KLHL21: variants seen among roughly 807,000 people sequenced by gnomAD.
KLHL21 encodes the protein kelch-like protein 21.
A neutral mutation model predicts 44.1 loss-of-function variants in KLHL21; 42 were observed. The observed-to-expected ratio is 0.95, with a 90% CI of 0.74 to 1.23. The LOEUF is 1.23. Ranked by LOEUF, KLHL21 falls within the 50% of genes most tolerant of loss-of-function variation. The probability of loss-of-function intolerance (pLI) is 0.00; values close to 1 mark genes in which losing one functional copy is unlikely to be tolerated. For missense variants in KLHL21, 918 were observed against 889.1 expected, an observed-to-expected ratio of 1.03 and a Z score of -0.41; for synonymous variants, 524 against 411.6, an observed-to-expected ratio of 1.27 and a Z score of -3.31.
chr1:6,599,478 G>A, intron 1 of KLHL21, 26 bp from the exon 2 acceptor site: 2 of 1,579,184 alleles, frequency 1.3e-6, no homozygotes, highest in South Asian at 2.3e-5. Context: ...ACAGGCAGAA[G>A]ATCAGCCCAC....
chr1:6,594,426 G>A (rs1206398580), intron 3 of KLHL21: 1 of 152,410 alleles, frequency 6.6e-6, no homozygotes, highest in East Asian at 1.9e-4. Flanking sequence ...CAGTGGGCTG[G>A]GCATGGTGGC....
At chr1:6,597,598 C>G (rs1276025902) in intron 2 of KLHL21, among the ~76,000 whole-genome samples, 2 of 152,190 alleles carry the variant, frequency 1.3e-5, no homozygotes, top group Non-Finnish European at 2.9e-5. Context: ...ACAAGCAACG[C>G]CACCCCTGTT....
At position 6,592,123 on chromosome 1, in the gene KLHL21, A is replaced by C. The variant is rs1327150728; in HGVS notation, c.*1242T>G. The C allele has an allele frequency of 1.3e-5, 2 of 152,358 alleles. No individual in the cohort carries two copies. Among genetic ancestry groups the C allele is most frequent in the African/African-American group, 4.8e-5 (2 of 41,466 alleles). The allele number at this position is 152,358 out of a possible 1,614,324, so 9.4% of individuals were successfully genotyped here. On this transcript the variant is annotated 3_prime_UTR_variant, in exon 4 of 4. Transcript: ENST00000377658. ...ACATATTAAGGCAACCAGCCACGCCATCTGGCCAGCACAAGGGACTTAAGT... is the reference window on the plus strand; with the variant it reads ...ACATATTAAGGCAACCAGCCACGCCCTCTGGCCAGCACAAGGGACTTAAGT...
chr1:6,599,525 CG>C, intron 1 of KLHL21, 73 bp from the exon 2 acceptor site: 1 of 1,452,082 alleles, frequency 6.9e-7, no homozygotes, highest in Non-Finnish European at 9.2e-7. Context: ...CCCGAACTTC[CG>C]CAAGGGCCTC....
At position 6,602,695 on chromosome 1, in the gene KLHL21, C is replaced by G. The variant is rs575418153; in HGVS notation, c.123G>C (p.Ala41=). The G allele has an allele frequency of 3.0e-5, 46 of 1,513,408 alleles. No homozygotes were observed. The highest frequency in any genetic ancestry group is 7.3e-5 in the South Asian group (6 of 81,798). 93.7% of individuals were successfully genotyped at this position (1,513,408 alleles called of 1,614,324 possible). A position where few individuals can be genotyped will look rare whatever the true frequency, so the allele number is the denominator to read the frequency against. Residue 41 remains alanine, a synonymous_variant, in exon 1 of 4, where the codon GCG becomes GCC. Transcript: ENST00000377658. Reference sequence around the variant, plus strand: ...GCGCCGGGAAGTCGCGCCCGCCCGCCGCCTCCAGGGTCACGTCCAGGAACT... The same window carrying G: ...GCGCCGGGAAGTCGCGCCCGCCCGCGGCCTCCAGGGTCACGTCCAGGAACT... ...ERKFLDVTLE[A]AGGRDFPAHR... is the part of the protein sequence containing the mutation.
Position 6,595,565 on chromosome 1 carries a change from G to A in KLHL21, c.1428-8C>T, listed in dbSNP as rs1265092028. The A allele has an allele frequency of 1.9e-6, 3 of 1,612,242 alleles. No homozygotes were observed. The Admixed American group carries it at 5.0e-5, about 27-fold the overall frequency. On this transcript the variant is annotated splice_region_variant and splice_polypyrimidine_tract_variant and intron_variant, in intron 2 of 3. Coordinates refer to ENST00000377658, the MANE Select transcript of KLHL21 (RefSeq NM_014851.4). ...ACCTCAGCGGAGTCATCCCTGTGGA[G>A]GGGGCAGCAGGAGGACAACTGCTCA...
Position 6,602,523 on chromosome 1 carries a change from C to T in KLHL21, c.295G>A (p.Val99Met), listed in dbSNP as rs933284888. 3 of 1,541,776 alleles carry T rather than the reference C, an allele frequency of 1.9e-6. No homozygotes were observed. In the African/African-American group the frequency reaches 4.1e-5, roughly 21 times the overall value. Reference sequence around the variant, plus strand: ...TCAGCGTTGTCGCCGCTTACCGCCACGCGGCCCGTGTAGCTGAAGTCCAGC... The same window carrying T: ...TCAGCGTTGTCGCCGCTTACCGCCATGCGGCCCGTGTAGCTGAAGTCCAGC... ...LLLDFSYTGR[V>M]AVSGDNAEPL... The change falls in exon 1 of 4, where the codon GTG (valine) becomes ATG (methionine). Residue 99 changes from valine (V) to methionine (M), a missense_variant. Val to Met is a conservative substitution (Grantham distance 21, BLOSUM62 1). Transcript: ENST00000377658.
At chr1:6,597,340 C>G (rs1326262554) in intron 2 of KLHL21, among the ~76,000 whole-genome samples, 1 of 152,160 alleles carries the variant, frequency 6.6e-6, no homozygotes, top group South Asian at 2.1e-4. Context: ...GGGAGGAGGA[C>G]TCTCAAAGAC....
intron 1 of KLHL21, chr1:6,599,759 G>T: frequency 5.3e-6 from 2 of 379,308 alleles, no homozygotes. Flanking sequence ...CACCTCAGCA[G>T]ACCAGAGCCC....
In KLHL21 at chr1:6,599,388, C is replaced by T; in HGVS notation, c.1086G>A (p.Trp362Ter). The change falls in exon 2 of 4, where the codon TGG (tryptophan) becomes TGA (stop). Residue 362 changes from tryptophan to a stop codon, truncating the protein, a stop_gained. Transcript: ENST00000377658. LOFTEE classifies it high-confidence loss of function. Reference protein sequence around the residue: ...VWRYNSSVNEWAEVAPMLKAR... With the variant: ...VWRYNSSVNE The stretch of plus-strand genomic sequence containing the variant: ...CCTTCAGCATGGGCGCCACCTCCGC[C>T]CACTCATTCACGCTTGAGTTGTACC... 6.2e-7 allele frequency: 1 copy of T among 1,613,652 alleles called. No individual in the cohort carries two copies. Among genetic ancestry groups the T allele is most frequent in the Non-Finnish European group, 8.5e-7 (1 of 1,180,000 alleles).
chr1:6,598,888 C>T (rs1024914808), intron 2 of KLHL21, among the ~76,000 whole-genome samples, 159 bp downstream of exon 2: 1 of 152,122 alleles, frequency 6.6e-6, no homozygotes, highest in Non-Finnish European at 1.5e-5. Flanking sequence ...GTCTCAAAAA[C>T]AAAACAAAAC....
intron 1 of KLHL21, among the ~76,000 whole-genome samples, chr1:6,600,000 C>A (rs930138227): frequency 6.6e-6 from 1 of 152,152 alleles, no homozygotes; most frequent in Non-Finnish European, 1.5e-5. Flanking sequence ...GAAAAATCCA[C>A]GAAGCTGTGT....
chr1:6,596,538 C>A (rs990905566), intron 2 of KLHL21, among the ~76,000 whole-genome samples: 1 of 152,242 alleles, frequency 6.6e-6, no homozygotes, highest in African/African-American at 2.4e-5. Context: ...AGACACGAGC[C>A]TGGCTGTGTG....
rs1181729585 is a variant in KLHL21 at position 6,591,228 on chromosome 1, A to G, written c.*2137T>C. ...CCCATACTTGGTCTTCTAAACCCAA[A>G]GACAGGGTCCTGATGGTGGAGACCT... On this transcript the variant is annotated 3_prime_UTR_variant, in exon 4 of 4. Coordinates refer to ENST00000377658, the MANE Select transcript of KLHL21 (RefSeq NM_014851.4). 2 of 380,412 alleles carry G rather than the reference A, an allele frequency of 5.3e-6. No individual in the cohort carries two copies. The highest frequency in any genetic ancestry group is 4.1e-5 in the African/African-American group (2 of 48,316). 23.6% of individuals were successfully genotyped at this position (380,412 alleles called of 1,614,324 possible).
rs1239096919 is a variant in KLHL21 at position 6,590,909 on chromosome 1, A to C, written c.*2456T>G. On this transcript the variant is annotated 3_prime_UTR_variant, in exon 4 of 4. Transcript: ENST00000377658. ...TTATTACATACGCGTCTCTGAAGTC[A>C]TATAAATATAGAATACCTTATAGTA... The C allele has an allele frequency of 2.5e-6, 1 of 398,678 alleles. No individual in the cohort carries two copies. The highest frequency in any genetic ancestry group is 4.4e-6 in the Non-Finnish European group (1 of 226,068). 24.7% of individuals were successfully genotyped at this position (398,678 alleles called of 1,614,324 possible).
In KLHL21 at chr1:6,590,778, G is replaced by C. The variant is rs1219925736; in HGVS notation, c.*2587C>G. On this transcript the variant is annotated 3_prime_UTR_variant, in exon 4 of 4. Coordinates refer to ENST00000377658, the MANE Select transcript of KLHL21 (RefSeq NM_014851.4). ...TACTGAAGGTACCCTAAAACCTTAA[G>C]CAGGATTCTGGACATGGAAGCCTAC... 1 of 395,872 alleles carries C rather than the reference G, an allele frequency of 2.5e-6. No individual in the cohort carries two copies. The highest frequency in any genetic ancestry group is 2.1e-5 in the African/African-American group (1 of 48,602). The allele number at this position is 395,872 out of a possible 1,614,324, so 24.5% of individuals were successfully genotyped here.
Position 6,591,343 on chromosome 1 carries a change from G to A in KLHL21, c.*2022C>T. The A allele has an allele frequency of 4.0e-6, 1 of 248,502 alleles. No homozygotes were observed. Among genetic ancestry groups the A allele is most frequent in the Non-Finnish European group, 7.6e-6 (1 of 131,360 alleles). 15.4% of individuals were successfully genotyped at this position (248,502 alleles called of 1,614,324 possible). Reference sequence around the variant, plus strand: ...TCGCACCACAGCCCTCATCTGAGTGGCCGACACAAGCCTGGAGTACGGCAG... The same window carrying A: ...TCGCACCACAGCCCTCATCTGAGTGACCGACACAAGCCTGGAGTACGGCAG... On this transcript the variant is annotated 3_prime_UTR_variant, in exon 4 of 4. Coordinates refer to ENST00000377658, the MANE Select transcript of KLHL21 (RefSeq NM_014851.4).
Position 6,601,853 on chromosome 1 carries a change from T to C in KLHL21, c.965A>G (p.Asp322Gly). The C allele has an allele frequency of 1.9e-6, 3 of 1,581,318 alleles. No individual in the cohort carries two copies. The highest frequency in any genetic ancestry group is 1.7e-6 in the Non-Finnish European group (2 of 1,164,702). The stretch of plus-strand genomic sequence containing the variant: ...GATGCTGTAGCCTCCGCCCAGGTGG[T>C]CTGGGAACTCGGCCAGGTAGCGCCA... ...GQWRYLAEFP[D>G]HLGGGYSIVA... The change falls in exon 1 of 4, where the codon GAC becomes GGC. Residue 322 changes from aspartate to glycine, a missense_variant. Physicochemically the swap from Asp to Gly is moderately conservative, Grantham distance 94. Transcript: ENST00000377658.
intron 2 of KLHL21, among the ~76,000 whole-genome samples, chr1:6,598,428 G>C (rs1640958360): frequency 6.6e-6 from 1 of 152,142 alleles, no homozygotes; most frequent in African/African-American, 2.4e-5. Context: ...AAATCAGCCA[G>C]GCATGGTGGC....
Sources: gnomAD v4.1 joint callset for allele counts (sites outside exome capture counted in the v4.1 genomes callset) on GRCh38, gnomAD v4.1.1 for gene constraint, MANE v1.5 for transcripts, NCBI Gene and HGNC (gene_info 2026-07-23, HGNC 2026-07-21) for gene names.